Variants in CRYBG1 observed in about 807,000 individuals in gnomAD.
CRYBG1 encodes the protein beta/gamma crystallin domain-containing protein 1.
A neutral mutation model predicts 189.2 loss-of-function variants in CRYBG1; 139 were observed. That is an observed-to-expected ratio of 0.73 (90% CI 0.64 to 0.85). CRYBG1 has a LOEUF of 0.85. Ranked by LOEUF, CRYBG1 falls within the 40% of genes least tolerant of loss-of-function variation. The probability of loss-of-function intolerance (pLI) is 0.00; values close to 1 mark genes in which losing one functional copy is unlikely to be tolerated. For synonymous variants in CRYBG1, 1,023 were observed against 1,017.1 expected, an observed-to-expected ratio of 1.01 and a Z score of -0.11; for missense variants, 2,611 against 2,675.8, an observed-to-expected ratio of 0.98 and a Z score of 0.53.
intron 1 of CRYBG1, among the ~76,000 whole-genome samples, chr6:106,403,850 A>C (rs1300693271): frequency 1.3e-5 from 2 of 152,270 alleles, no homozygotes. Context: ...AGGTGATCTA[A>C]GAAAGGTCAA....
chr6:106,521,711 CTTTTTTTTTTT>C (rs397976859), intron 4 of CRYBG1, among the ~76,000 whole-genome samples: 2 of 72,186 alleles, frequency 2.8e-5, no homozygotes, highest in Admixed American at 2.2e-4. Flanking sequence ...GGCACATGAT[CTTTTTTTTTTT>C]TTTTTTTTTT....
chr6:106,556,259 CT>C (rs1774543234), intron 17 of CRYBG1, among the ~76,000 whole-genome samples: 1 of 152,224 alleles, frequency 6.6e-6, no homozygotes, highest in South Asian at 2.1e-4. Context: ...GTTGCCATTA[CT>C]GAATATTCTC....
At chr6:106,502,776 T>A (rs1171089542) in intron 2 of CRYBG1, among the ~76,000 whole-genome samples, 1 of 152,126 alleles carries the variant, frequency 6.6e-6, no homozygotes, top group African/African-American at 2.4e-5. Context: ...AGTGAAGGAC[T>A]ATTTACAAAG....
chr6:106,361,063 CGCCTGCCGGAGAG>C lies in CRYBG1; in HGVS notation c.159_171del (p.Ala54GlufsTer5). The stretch of plus-strand genomic sequence containing the variant: ...GTGTTCGTTCCGCACCCGCTCCCGG[CGCCTGCCGGAGAG>C]GCCAGGTGAGCTCCTCGCCCGAGCC... On this transcript the variant is annotated frameshift_variant, in exon 1 of 22. Transcript: ENST00000633556. LOFTEE classifies it high-confidence loss of function. The C allele has an allele frequency of 6.5e-7, 1 of 1,535,040 alleles. No homozygotes were observed. Among genetic ancestry groups the C allele is most frequent in the Non-Finnish European group, 8.7e-7 (1 of 1,146,546 alleles).
chr6:106,462,648 C>T (rs1420255391), intron 2 of CRYBG1, among the ~76,000 whole-genome samples: 1 of 152,154 alleles, frequency 6.6e-6, no homozygotes, highest in Non-Finnish European at 1.5e-5. Flanking sequence ...TTGGGCTGGG[C>T]TCATTTGCAG....
rs3747789 is a variant in CRYBG1, at chr6:106,568,468, T to G, written c.6302-4T>G. ...TCATCTTTTATTATTTTCCTTTCTT[T>G]TAGGGGGCACACAGTATGATCAAAA... On this transcript the variant is annotated splice_polypyrimidine_tract_variant and splice_region_variant and intron_variant, in intron 21 of 21. Transcript: ENST00000633556. The G allele has an allele frequency of 0.064, 103,409 of 1,609,908 alleles. 3,583 individuals are homozygous for G. The highest frequency in any genetic ancestry group is 0.11 in the Middle Eastern group (689 of 6,054).
rs748406134 is a variant in CRYBG1 at position 106,523,731 on chromosome 6, C to CT, written c.4246-1387dup. On this transcript the variant is annotated intron_variant, in intron 4 of 21. Transcript: ENST00000633556. ...AAGGCTCTAGGGGGGCCCTTATGGC[C>CT]TTTTTTTTTTTTTTTAGAGTCAGAA... Among the ~76,000 whole-genome samples, 1,017 of 137,330 alleles carry CT rather than the reference C, an allele frequency of 7.4e-3. 8 individuals are homozygous for CT. The highest frequency in any genetic ancestry group is 0.019 in the African/African-American group (691 of 36,908). The allele number at this position is 137,330 out of a possible 152,430, so 90.1% of individuals were successfully genotyped here. A position where few individuals can be genotyped will look rare whatever the true frequency, so the allele number is the denominator to read the frequency against.
intron 3 of CRYBG1, among the ~76,000 whole-genome samples, chr6:106,516,827 T>G (rs1443645893): frequency 6.6e-6 from 1 of 152,118 alleles, no homozygotes; most frequent in African/African-American, 2.4e-5. Context: ...ATCAGCTGCA[T>G]AACCTCAGGG....
intron 1 of CRYBG1, among the ~76,000 whole-genome samples, chr6:106,400,734 G>C (rs553990865): frequency 6.6e-6 from 1 of 152,302 alleles, no homozygotes; most frequent in South Asian, 2.1e-4. Flanking sequence ...TAGTGAGATA[G>C]ACAGACACTA....
At chr6:106,542,608 CATTTTATTTTATTTTATTTTATTTT>C (rs56795208) in intron 10 of CRYBG1, among the ~76,000 whole-genome samples, 7,202 of 126,694 alleles carry the variant, frequency 0.057, 252 homozygotes, top group Non-Finnish European at 0.072. Flanking sequence ...ATGATTAGAA[CATTTTATTTTATTTTATTTTATTTT>C]ATTTTATTTT....
intron 1 of CRYBG1, among the ~76,000 whole-genome samples, chr6:106,415,501 GAT>G (rs1282568079): frequency 3.3e-5 from 5 of 151,968 alleles, no homozygotes; most frequent in Admixed American, 2.6e-4. Flanking sequence ...GAGGCAGGCA[GAT>G]CGCTTGAGCC....
At chr6:106,449,178 A>G (rs962091426) in intron 1 of CRYBG1, among the ~76,000 whole-genome samples, 2 of 152,236 alleles carry the variant, frequency 1.3e-5, no homozygotes, top group African/African-American at 4.8e-5. Context: ...ATACGTAAGT[A>G]TCTAGGAAGA....
At chr6:106,382,251 G>T (rs1372035492) in intron 1 of CRYBG1, among the ~76,000 whole-genome samples, 1 of 152,182 alleles carries the variant, frequency 6.6e-6, no homozygotes, top group Non-Finnish European at 1.5e-5. Context: ...ACTTTAAGGG[G>T]AGTAGTATCC....
intron 2 of CRYBG1, among the ~76,000 whole-genome samples, chr6:106,461,534 TG>T: frequency 6.6e-6 from 1 of 152,220 alleles, no homozygotes; most frequent in East Asian, 1.9e-4. Flanking sequence ...GATGAAAACT[TG>T]GGGGTTTGTC....
At chr6:106,510,795 G>A (rs1773240810) in intron 2 of CRYBG1, among the ~76,000 whole-genome samples, 1 of 152,224 alleles carries the variant, frequency 6.6e-6, no homozygotes, top group Non-Finnish European at 1.5e-5. Context: ...GGATCACTCG[G>A]GTGTTTGAAC....
intron 1 of CRYBG1, among the ~76,000 whole-genome samples, chr6:106,364,292 A>G (rs1229441646): frequency 2.0e-5 from 3 of 151,928 alleles, no homozygotes; most frequent in Non-Finnish European, 4.4e-5. Flanking sequence ...ATGCCATCGC[A>G]CTCTAGCCTG....
chr6:106,474,745 G>A (rs561506825), intron 2 of CRYBG1, among the ~76,000 whole-genome samples: 3 of 152,200 alleles, frequency 2.0e-5, no homozygotes, highest in African/African-American at 7.2e-5. Context: ...GGCAGGCGTA[G>A]GAGGTCACTT....
chr6:106,537,654 CA>C (rs763006278), intron 8 of CRYBG1, among the ~76,000 whole-genome samples: 2 of 152,150 alleles, frequency 1.3e-5, no homozygotes, highest in Non-Finnish European at 2.9e-5. Context: ...TGAATTTTCA[CA>C]AAGTGAATAC....
chr6:106,468,616 C>T (rs1471507944), intron 2 of CRYBG1, among the ~76,000 whole-genome samples: 1 of 152,128 alleles, frequency 6.6e-6, no homozygotes, highest in Non-Finnish European at 1.5e-5. Context: ...ATTGAACCCA[C>T]TAGATGGAGG....
Sources: allele counts gnomAD v4.1 joint callset (sites outside exome capture counted in the v4.1 genomes callset), GRCh38; gene constraint gnomAD v4.1.1; transcripts MANE v1.5; gene names NCBI Gene and HGNC (gene_info 2026-07-23, HGNC 2026-07-21).